Variants in SLC27A4 observed in about 807,000 individuals in gnomAD.
SLC27A4 encodes the protein solute carrier family 27 member 4.
In SLC27A4, 33 loss-of-function variants were observed where a neutral mutation model predicts 64.4. The ratio of observed to expected loss-of-function variants is 0.51; its 90% CI spans 0.39 to 0.68. The LOEUF (loss-of-function observed/expected upper bound fraction) is 0.68. SLC27A4 is among the 30% of genes least tolerant of loss of function. SLC27A4 has a pLI of 0.00. For synonymous variants in SLC27A4, 377 were observed against 370.0 expected (o/e 1.02, Z -0.22); for missense variants, 824 against 883.5 (o/e 0.93, Z 0.85).
intron 12 of SLC27A4, among the ~76,000 whole-genome samples, chr9:128,357,318 C>T (rs973099730): frequency 4.0e-5 from 6 of 150,512 alleles, no homozygotes; most frequent in Non-Finnish European, 5.9e-5. Context: ...TGTAATCCAG[C>T]GACTCGGGAG....
At chr9:128,350,841 C>T (rs1281676855) in intron 6 of SLC27A4, among the ~76,000 whole-genome samples, 2 of 152,210 alleles carry the variant, frequency 1.3e-5, no homozygotes, top group Non-Finnish European at 2.9e-5. Flanking sequence ...CCTGTAATCC[C>T]AGCACTTTGA....
intron 3 of SLC27A4, among the ~76,000 whole-genome samples, chr9:128,346,520 C>T (rs1007485558): frequency 1.3e-4 from 20 of 151,912 alleles, no homozygotes; most frequent in African/African-American, 4.8e-4. Flanking sequence ...AGGCATGAGC[C>T]ACCACGCCCG....
At chr9:128,352,128 G>A (rs749608980) in intron 6 of SLC27A4, among the ~76,000 whole-genome samples, 3 of 151,868 alleles carry the variant, frequency 2.0e-5, no homozygotes, top group Non-Finnish European at 2.9e-5. Flanking sequence ...CCGGAAGGCG[G>A]AGCTTGCAGT....
At chr9:128,343,391 C>A in intron 2 of SLC27A4, 98 bp downstream of exon 2, 1 of 1,422,252 alleles carries the variant, frequency 7.0e-7, no homozygotes, top group Non-Finnish European at 9.9e-7. Flanking sequence ...TCTCTACCAG[C>A]ACAGGGCAGC....
chr9:128,360,405 T>G lies in SLC27A4; in HGVS notation c.1846T>G (p.Phe616Val). The change falls in exon 13 of 13, where the codon TTC becomes GTC. Residue 616 changes from phenylalanine (F) to valine (V), a missense_variant. Phe to Val is a conservative substitution (Grantham distance 50). Transcript: ENST00000300456. ...FDPAIVKDPL[F>V]YLDAQKGRYV... is the part of the protein sequence containing the mutation. The stretch of plus-strand genomic sequence containing the variant: ...CCCGGCTATTGTGAAAGACCCGCTG[T>G]TCTATCTAGATGCCCAGAAGGGCCG... 1 of 1,614,148 alleles carries G rather than the reference T, an allele frequency of 6.2e-7. No homozygotes were observed.
chr9:128,359,278 C>T (rs760197135), intron 12 of SLC27A4, among the ~76,000 whole-genome samples: 1 of 152,124 alleles, frequency 6.6e-6, no homozygotes, highest in East Asian at 1.9e-4. Flanking sequence ...CGCTTGAGCC[C>T]AGGAGTTCAA....
rs191620324 is a variant in SLC27A4, at chr9:128,350,560, C to T, written c.862C>T (p.Leu288Phe). ...PNDIVYDCLPLYHSAGNIVGI... is the reference protein window; with the variant it reads ...PNDIVYDCLPFYHSAGNIVGI... ...CGACATCGTCTATGACTGCCTCCCC[C>T]TCTACCACTCAGCAGGTAACTCTAG... Residue 288 changes from leucine (L) to phenylalanine (F), a missense_variant, in exon 6 of 13, where the codon CTC (leucine) becomes TTC (phenylalanine). Physicochemically the swap from Leu to Phe is conservative, Grantham distance 22 (BLOSUM62 0). Coordinates refer to ENST00000300456, the MANE Select transcript of SLC27A4 (RefSeq NM_005094.4). 4.4e-5 allele frequency: 71 copies of T among 1,612,998 alleles called. No homozygotes were observed. Among genetic ancestry groups the T allele is most frequent in the Admixed American group, 3.5e-4 (21 of 59,858 alleles).
chr9:128,341,920 G>T (rs180698485), intron 1 of SLC27A4, among the ~76,000 whole-genome samples: 13 of 152,188 alleles, frequency 8.5e-5, no homozygotes, highest in Admixed American at 8.5e-4. Context: ...TGTATTTTTA[G>T]TAGAGACAGG....
intron 3 of SLC27A4, among the ~76,000 whole-genome samples, chr9:128,348,309 C>G (rs971989722): frequency 2.0e-5 from 3 of 152,230 alleles, no homozygotes; most frequent in African/African-American, 7.2e-5. Flanking sequence ...ATGGTCCCTC[C>G]TTCCCAGGGC....
At chr9:128,344,631 A>G (rs1832626117) in intron 2 of SLC27A4, among the ~76,000 whole-genome samples, 1 of 152,194 alleles carries the variant, frequency 6.6e-6, no homozygotes, top group African/African-American at 2.4e-5. Context: ...TAGAGTGTTG[A>G]ATAAGACAGA....
At chr9:128,354,461 C>G (rs923049328) in intron 9 of SLC27A4, among the ~76,000 whole-genome samples, 1 of 152,134 alleles carries the variant, frequency 6.6e-6, no homozygotes, top group African/African-American at 2.4e-5. Context: ...GAGTGGGTCC[C>G]GGCATGGAGC....
intron 6 of SLC27A4, among the ~76,000 whole-genome samples, chr9:128,351,369 G>T (rs1304729585): frequency 6.6e-6 from 1 of 152,024 alleles, no homozygotes; most frequent in Non-Finnish European, 1.5e-5. Context: ...AAAGGTTGCA[G>T]TGAGCTGAGA....
intron 3 of SLC27A4, among the ~76,000 whole-genome samples, chr9:128,348,009 G>A (rs1007421479): frequency 1.3e-5 from 2 of 152,114 alleles, no homozygotes; most frequent in African/African-American, 2.4e-5. Context: ...GCCGACCAGC[G>A]CTGCTCCATG....
At chr9:128,344,244 G>A (rs1262318520) in intron 2 of SLC27A4, among the ~76,000 whole-genome samples, 10 of 152,130 alleles carry the variant, frequency 6.6e-5, no homozygotes, top group South Asian at 2.1e-4. Flanking sequence ...AGGGCTGGGC[G>A]CAGTGGCTCA....
Position 128,360,762 on chromosome 9 carries a change from A to T in SLC27A4, c.*271A>T. On this transcript the variant is annotated 3_prime_UTR_variant, in exon 13 of 13. Transcript: ENST00000300456. ...GAGACTGACGGGTTTTCTCAGGATG[A>T]TGTCTTGGGTGAGGGTAGGGAGAGG... 1 of 489,528 alleles carries T rather than the reference A, an allele frequency of 2.0e-6. No homozygotes were observed. The highest frequency in any genetic ancestry group is 3.8e-6 in the Non-Finnish European group (1 of 266,350). 30.3% of individuals were successfully genotyped at this position (489,528 alleles called of 1,614,324 possible). A position where few individuals can be genotyped will look rare whatever the true frequency, so the allele number is the denominator to read the frequency against.
chr9:128,355,096 C>T lies in SLC27A4; in HGVS notation c.1368C>T (p.Pro456=), dbSNP rs779347193. 1.9e-6 allele frequency: 3 copies of T among 1,612,978 alleles called. No individual in the cohort carries two copies. Among genetic ancestry groups the T allele is most frequent in the South Asian group, 2.2e-5 (2 of 90,954 alleles). The change falls in exon 10 of 13, where the codon CCC becomes CCT. Residue 456 remains proline, a synonymous_variant. Transcript: ENST00000300456. ...TGGGCCGCATCATCCAGAAAGACCC[C>T]CTGCGCCGCTTCGATGGCTACCTCA... ...QLVGRIIQKD[P]LRRFDGYLNQ...
At chr9:128,343,452 A>G (rs766808989) in intron 2 of SLC27A4, among the ~76,000 whole-genome samples, 159 bp downstream of exon 2, 2 of 152,130 alleles carry the variant, frequency 1.3e-5, no homozygotes, top group African/African-American at 4.8e-5. Flanking sequence ...TACCCTGGCA[A>G]TAGTACCTGG....
In SLC27A4 at chr9:128,343,158, G is replaced by A; in HGVS notation, c.26G>A (p.Gly9Glu). Residue 9 changes from glycine (G) to glutamate (E), a missense_variant, in exon 2 of 13, where the codon GGG (glycine) becomes GAG (glutamate). Coordinates refer to ENST00000300456, the MANE Select transcript of SLC27A4 (RefSeq NM_005094.4). ...ATGCTGCTTGGAGCCTCTCTGGTGG[G>A]GGTGCTGCTGTTCTCCAAGCTGGTG... is the stretch of plus-strand genomic sequence containing the variant. The part of the protein sequence containing the change: MLLGASLV[G>E]VLLFSKLVLK... 1 of 1,613,944 alleles carries A rather than the reference G, an allele frequency of 6.2e-7. No individual in the cohort carries two copies. The highest frequency in any genetic ancestry group is 8.5e-7 in the Non-Finnish European group (1 of 1,179,980).
At chr9:128,347,180 T>C (rs546578834) in intron 3 of SLC27A4, among the ~76,000 whole-genome samples, 7 of 152,280 alleles carry the variant, frequency 4.6e-5, no homozygotes, top group African/African-American at 1.7e-4. Flanking sequence ...GCTGCCACAT[T>C]GGGCACCTGC....
Sources: allele counts gnomAD v4.1 joint callset (sites outside exome capture counted in the v4.1 genomes callset), GRCh38; gene constraint gnomAD v4.1.1; transcripts MANE v1.5; gene names NCBI Gene and HGNC (gene_info 2026-07-23, HGNC 2026-07-21).